The following PDGFB variants were observed in gnomAD, a reference collection of about 807,000 sequenced individuals.
PDGFB encodes the protein platelet-derived growth factor subunit B.
Under a neutral mutation model 29.0 loss-of-function variants are expected in PDGFB, and 6 were observed. The observed-to-expected ratio is 0.21, with a 90% CI of 0.11 to 0.41. The LOEUF (loss-of-function observed/expected upper bound fraction) is 0.41, where lower values mean the gene tolerates loss of function less well. Ranked by LOEUF, PDGFB falls within the 10% of genes least tolerant of loss-of-function variation. The pLI is 1.00. For synonymous variants in PDGFB, 144 were observed against 140.8 expected, an observed-to-expected ratio of 1.02 and a Z score of -0.16; for missense variants, 299 against 341.8, an observed-to-expected ratio of 0.87 and a Z score of 0.99.
At position 39,243,284 on chromosome 22, in the gene PDGFB, C is replaced by CTCTCTT. The variant is rs1224250512; in HGVS notation, c.63+616_63+617insAAGAGA. On this transcript the variant is annotated intron_variant, in intron 1 of 6. Transcript: ENST00000331163. The surrounding 1 kb of genome is among the most constrained non-coding windows in gnomAD (Gnocchi z 6.4). The stretch of plus-strand genomic sequence containing the variant: ...TCTCTCTCTCTCTCTTTCTCTCTCT[C>CTCTCTT]TCTCTCTCTCTCCCTGTTACTCCCA... Among the ~76,000 whole-genome samples, 4 of 151,974 alleles carry CTCTCTT rather than the reference C, an allele frequency of 2.6e-5. No homozygotes were observed. The highest frequency in any genetic ancestry group is 9.7e-5 in the African/African-American group (4 of 41,348).
At chr22:39,234,948 C>T (rs1307828593) in intron 2 of PDGFB, among the ~76,000 whole-genome samples, 1 of 152,068 alleles carries the variant, frequency 6.6e-6, no homozygotes. Flanking sequence ...TGGGAGACAT[C>T]GGGTGGGGGC....
intron 1 of PDGFB, chr22:39,241,221 G>A: frequency 2.2e-6 from 1 of 460,292 alleles, no homozygotes; most frequent in Non-Finnish European, 4.0e-6. Context: ...GCCTCGGCAG[G>A]CCCTCCACCC....
chr22:39,243,749 C>G lies in PDGFB; in HGVS notation c.63+152G>C. The G allele has an allele frequency of 1.8e-6, 1 of 555,710 alleles. No homozygotes were observed. The allele number at this position is 555,710 out of a possible 1,614,324, so 34.4% of individuals were successfully genotyped here. A position where few individuals can be genotyped will look rare whatever the true frequency, so the allele number is the denominator to read the frequency against. ...CTTAGAGCCTGTCACCCCCGGACCT[C>G]GCTCCCAGCCCGAAGAGGTCACCCA... On this transcript the variant is annotated intron_variant, in intron 1 of 6. Transcript: ENST00000331163. The surrounding 1 kb of genome is among the most constrained non-coding windows in gnomAD (Gnocchi z 6.4).
intron 5 of PDGFB, among the ~76,000 whole-genome samples, chr22:39,229,019 G>A (rs545809705): frequency 6.6e-6 from 1 of 151,966 alleles, no homozygotes; most frequent in East Asian, 1.9e-4. Context: ...GGCATCCAGC[G>A]ACTCAGCTCA....
intron 5 of PDGFB, 100 bp downstream of exon 5, chr22:39,229,984 C>CG (rs1198347142): frequency 1.5e-6 from 2 of 1,348,886 alleles, no homozygotes; most frequent in Non-Finnish European, 2.0e-6. Flanking sequence ...TGAATTTAAC[C>CG]GGGGGCGGGC....
chr22:39,232,912 G>T (rs973265893), intron 3 of PDGFB, among the ~76,000 whole-genome samples: 2 of 152,220 alleles, frequency 1.3e-5, no homozygotes, highest in African/African-American at 2.4e-5. Context: ...GTTTCTCTGG[G>T]ACCTAATGAT....
At chr22:39,227,094 G>T (rs1274592213) in intron 5 of PDGFB, among the ~76,000 whole-genome samples, 1 of 152,276 alleles carries the variant, frequency 6.6e-6, no homozygotes, top group East Asian at 1.9e-4. Flanking sequence ...GAGTAGCTGG[G>T]ATTACAGGCA....
intron 5 of PDGFB, among the ~76,000 whole-genome samples, chr22:39,228,602 A>G (rs1210053924): frequency 6.6e-6 from 1 of 151,892 alleles, no homozygotes. Flanking sequence ...CTTAAAAAAG[A>G]AAGAGGCTGG....
intron 3 of PDGFB, among the ~76,000 whole-genome samples, chr22:39,232,545 A>C (rs993635991): frequency 2.6e-5 from 4 of 151,812 alleles, no homozygotes; most frequent in African/African-American, 9.7e-5. Context: ...GCTGGAGTGC[A>C]GTGGCGTGGT....
At chr22:39,229,477 G>A (rs971308052) in intron 5 of PDGFB, among the ~76,000 whole-genome samples, 6 of 152,272 alleles carry the variant, frequency 3.9e-5, no homozygotes, top group Non-Finnish European at 1.5e-5. Flanking sequence ...TCTCCCCACT[G>A]GTCCTGGTTC....
At chr22:39,241,165 C>G (rs1932560996) in intron 1 of PDGFB, 1 of 517,462 alleles carries the variant, frequency 1.9e-6, no homozygotes, top group South Asian at 2.4e-5. Context: ...CAGTGGGACT[C>G]GCCCTCCTGG....
intron 1 of PDGFB, among the ~76,000 whole-genome samples, chr22:39,236,526 T>TGCCCAAC (rs1932447150): frequency 6.6e-6 from 1 of 152,232 alleles, no homozygotes; most frequent in African/African-American, 2.4e-5. Context: ...CCGTGCCCTG[T>TGCCCAAC]GCCCAACCAA....
intron 5 of PDGFB, 59 bp from the exon 6 acceptor site, chr22:39,225,906 A>T (rs1932156686): frequency 1.9e-6 from 3 of 1,559,964 alleles, no homozygotes; most frequent in Non-Finnish European, 2.6e-6. Context: ...GTCTCTCCCC[A>T]CTGACCAAGG....
chr22:39,226,141 T>C (rs1320157623), intron 5 of PDGFB, among the ~76,000 whole-genome samples: 1 of 152,184 alleles, frequency 6.6e-6, no homozygotes, highest in Non-Finnish European at 1.5e-5. Context: ...GCAAAGCTCT[T>C]TGCACAGTAC....
rs1357119581 is a variant in PDGFB at position 39,223,561 on chromosome 22, G to A, written c.*1781C>T. The stretch of plus-strand genomic sequence containing the variant: ...TGTGTGTGTATGTGCACGCCAGTGT[G>A]TGAGATCACGCCTGAGGCTCCCAGA... On this transcript the variant is annotated 3_prime_UTR_variant, in exon 7 of 7. Coordinates refer to ENST00000331163, the MANE Select transcript of PDGFB (RefSeq NM_002608.4). 1.3e-5 allele frequency: 2 copies of A among 152,686 alleles called. No homozygotes were observed. The highest frequency in any genetic ancestry group is 3.8e-4 in the East Asian group (2 of 5,276). The allele number at this position is 152,686 out of a possible 1,614,324, so 9.5% of individuals were successfully genotyped here. A position where few individuals can be genotyped will look rare whatever the true frequency, so the allele number is the denominator to read the frequency against.
chr22:39,232,486 A>G (rs1932333239), intron 3 of PDGFB, among the ~76,000 whole-genome samples: 1 of 151,838 alleles, frequency 6.6e-6, no homozygotes. Flanking sequence ...AACTCAGGCC[A>G]CCTGACTTTT....
intron 1 of PDGFB, among the ~76,000 whole-genome samples, chr22:39,241,412 C>T (rs1932565750): frequency 6.6e-6 from 1 of 152,244 alleles, no homozygotes; most frequent in Non-Finnish European, 1.5e-5. Context: ...TCCCCTCCCC[C>T]AGGGCCAGCC....
chr22:39,238,108 G>A (rs886081328), intron 1 of PDGFB, among the ~76,000 whole-genome samples: 3 of 152,190 alleles, frequency 2.0e-5, no homozygotes, highest in African/African-American at 7.2e-5. Context: ...TGAACAGGCC[G>A]AGTGGACACC....
Position 39,225,858 on chromosome 22 carries a change from A to G in PDGFB, c.602-11T>C, listed in dbSNP as rs770239518. 1 of 1,608,884 alleles carries G rather than the reference A, an allele frequency of 6.2e-7. No individual in the cohort carries two copies. The highest frequency in any genetic ancestry group is 2.2e-5 in the East Asian group (1 of 44,670). On this transcript the variant is annotated splice_polypyrimidine_tract_variant and intron_variant, in intron 5 of 6. Coordinates refer to ENST00000331163, the MANE Select transcript of PDGFB (RefSeq NM_002608.4). ...TTTGGGGCGTTTTGGCTGCACAAGAAAAAGAAAGACCTCGTCAGCATGTGG... is the reference window on the plus strand; with the variant it reads ...TTTGGGGCGTTTTGGCTGCACAAGAGAAAGAAAGACCTCGTCAGCATGTGG...
Sources: allele counts gnomAD v4.1 joint callset (sites outside exome capture counted in the v4.1 genomes callset), GRCh38; gene constraint gnomAD v4.1.1; non-coding constraint Gnocchi (gnomAD v3.1); transcripts MANE v1.5; gene names NCBI Gene and HGNC (gene_info 2026-07-23, HGNC 2026-07-21).